VTN: variants seen among roughly 807,000 people sequenced by gnomAD.
VTN encodes the protein vitronectin.
VTN carries 45 observed loss-of-function variants against 55.9 expected under a neutral mutation model. The ratio of observed to expected loss-of-function variants is 0.80; its 90% confidence interval spans 0.63 to 1.03. VTN has a LOEUF of 1.03. VTN is among the 50% of genes least tolerant of loss of function. The pLI is 0.00. For missense variants in VTN, 589 were observed against 638.2 expected (o/e 0.92, Z 0.83); for synonymous variants, 238 against 242.3 (o/e 0.98, Z 0.17).
rs568589200 is a variant in VTN, at chr17:28,367,954, C to T, written c.1085G>A (p.Arg362His). The T allele has an allele frequency of 3.7e-5, 59 of 1,600,982 alleles. No homozygotes were observed. Among genetic ancestry groups the T allele is most frequent in the South Asian group, 5.6e-5 (5 of 89,596 alleles). The change falls in exon 7 of 8, where the codon CGC (arginine) becomes CAC (histidine). Residue 362 changes from arginine (R) to histidine (H), a missense_variant. Physicochemically the swap from Arg to His is conservative, Grantham distance 29 (BLOSUM62 0). Coordinates refer to ENST00000226218, the MANE Select transcript of VTN (RefSeq NM_000638.4). ...CCTTTGTTTCTTGGCCAAGGAGGGG[C>T]GGGGTGCCATGCCTGAGATGTAGAT... Reference protein sequence around the residue: ...GRIYISGMAPRPSLAKKQRFR... With the variant: ...GRIYISGMAPHPSLAKKQRFR...
Position 28,367,730 on chromosome 17 carries a change from A to C in VTN, c.1309T>G (p.Phe437Val), listed in dbSNP as rs1555583214. The C allele has an allele frequency of 1.4e-5, 22 of 1,610,300 alleles. No homozygotes were observed. Among genetic ancestry groups the C allele is most frequent in the Admixed American group, 3.3e-5 (2 of 59,902 alleles). ...CGGCTCCTACCTCCAGAGAAGAAGA[A>C]GACACTCTGGATGGGTTCACAGGTG... is the stretch of plus-strand genomic sequence containing the variant. ...PATCEPIQSV[F>V]FFSGDKYYRV... The change falls in exon 7 of 8, where the codon TTC becomes GTC. Residue 437 changes from phenylalanine to valine, a missense_variant. Physicochemically the swap from Phe to Val is conservative, Grantham distance 50. Transcript: ENST00000226218.
chr17:28,368,772 G>A (rs2067928927), intron 5 of VTN, 99 bp from the exon 6 acceptor site: 4 of 1,610,246 alleles, frequency 2.5e-6, no homozygotes, highest in Admixed American at 3.3e-5. Flanking sequence ...TGAGGTGGGG[G>A]TCAGGGGTGG....
Position 28,367,803 on chromosome 17 carries a change from C to A in VTN, c.1236G>T (p.Leu412Phe), listed in dbSNP as rs1011726388. The stretch of plus-strand genomic sequence containing the variant: ...TGTAGTCATCATAGTTGTTGGCTCC[C>A]AAGTTGCTCTCCTCACTGGAGAACA... Reference protein sequence around the residue: ...LSLFSSEESNLGANNYDDYRM... With the variant: ...LSLFSSEESNFGANNYDDYRM... Residue 412 changes from leucine to phenylalanine, a missense_variant, in exon 7 of 8, where the codon TTG (leucine) becomes TTT (phenylalanine). Physicochemically the swap from Leu to Phe is conservative, Grantham distance 22. Coordinates refer to ENST00000226218, the MANE Select transcript of VTN (RefSeq NM_000638.4). 3.7e-6 allele frequency: 6 copies of A among 1,614,050 alleles called. No individual in the cohort carries two copies. The highest frequency in any genetic ancestry group is 5.1e-6 in the Non-Finnish European group (6 of 1,180,050).
rs1012223491 is a variant in VTN at position 28,369,965 on chromosome 17, C to T, written c.146G>A (p.Ser49Asn). 1.2e-6 allele frequency: 2 copies of T among 1,614,084 alleles called. No individual in the cohort carries two copies. The highest frequency in any genetic ancestry group is 8.5e-7 in the Non-Finnish European group (1 of 1,180,016). The change falls in exon 2 of 8, where the codon AGC becomes AAC. Residue 49 changes from serine (S) to asparagine (N), a missense_variant. Physicochemically the swap from Ser to Asn is conservative, Grantham distance 46. This residue lies in a region of VTN where 217 missense variants were observed against 241.3 expected (regional missense o/e 0.90). Transcript: ENST00000226218. This position sits in a 1 kb window ranked among gnomAD's most constrained non-coding sequence, Gnocchi z 5.3. ...QCDELCSYYQ[S>N]CCTDYTAECK... ...CTCAGCCGTATAGTCTGTGCAGCAG[C>T]TCTGGTAGTAAGAGCAGAGCTCGTC...
In VTN at chr17:28,369,187, G is replaced by A. The variant is rs1353784450; in HGVS notation, c.669+102C>T. The stretch of plus-strand genomic sequence containing the variant: ...GCTCACAGAGCTCCCACCAGGTCCT[G>A]CAGGGCCCTGGGTCCAGCTTCCCTG... On this transcript the variant is annotated intron_variant, in intron 4 of 7. Coordinates refer to ENST00000226218, the MANE Select transcript of VTN (RefSeq NM_000638.4). This position sits in a 1 kb window ranked among gnomAD's most constrained non-coding sequence, Gnocchi z 5.3. 6.6e-6 allele frequency: 10 copies of A among 1,505,248 alleles called. No individual in the cohort carries two copies. Among genetic ancestry groups the A allele is most frequent in the African/African-American group, 1.4e-5 (1 of 71,410 alleles). The allele number at this position is 1,505,248 out of a possible 1,614,324, so 93.2% of individuals were successfully genotyped here.
At position 28,369,650 on chromosome 17, in the gene VTN, G is replaced by A; in HGVS notation, c.386C>T (p.Ala129Val). 1.2e-6 allele frequency: 2 copies of A among 1,613,784 alleles called. No individual in the cohort carries two copies. Among genetic ancestry groups the A allele is most frequent in the South Asian group, 1.1e-5 (1 of 91,080 alleles). Residue 129 changes from alanine (A) to valine (V), a missense_variant, in exon 3 of 8, where the codon GCC becomes GTC. Ala to Val is a moderately conservative substitution (Grantham distance 64). Around this residue, in one of 3 missense-constraint regions of VTN, gnomAD observed 217 missense variants for 241.3 expected, o/e 0.90. Transcript: ENST00000226218. This position sits in a 1 kb window ranked among gnomAD's most constrained non-coding sequence, Gnocchi z 5.3. ...EEEAPAPEVG[A>V]SKPEGIDSRP... ...TGAGTCTATCCCCTCAGGCTTAGAGGCGCCCACCTCAGGCGCAGGGGCCTC... is the reference window on the plus strand; with the variant it reads ...TGAGTCTATCCCCTCAGGCTTAGAGACGCCCACCTCAGGCGCAGGGGCCTC...
chr17:28,368,946 G>C lies in VTN; in HGVS notation c.752C>G (p.Pro251Arg). The C allele has an allele frequency of 6.2e-7, 1 of 1,603,712 alleles. No homozygotes were observed. Among genetic ancestry groups the C allele is most frequent in the Non-Finnish European group, 8.5e-7 (1 of 1,177,306 alleles). ...GGCCAAGGCTGCATCCACGTTGTCCGGGATGCCATCGAAGCCGTCAGAGAT... is the reference window on the plus strand; with the variant it reads ...GGCCAAGGCTGCATCCACGTTGTCCCGGATGCCATCGAAGCCGTCAGAGAT... ...RNISDGFDGI[P>R]DNVDAALALP... Residue 251 changes from proline to arginine, a missense_variant, in exon 5 of 8, where the codon CCG becomes CGG. By Grantham distance (103) the Pro-to-Arg change is moderately radical (BLOSUM62 -2). Around this residue, in one of 3 missense-constraint regions of VTN, gnomAD observed 334 missense variants for 328.2 expected, o/e 1.02. Transcript: ENST00000226218.
Sources: allele counts gnomAD v4.1 joint callset, GRCh38; gene constraint gnomAD v4.1.1; regional missense constraint gnomAD v4.1.1; non-coding constraint Gnocchi (gnomAD v3.1); transcripts MANE v1.5; gene names NCBI Gene and HGNC (gene_info 2026-07-23, HGNC 2026-07-21).